The following SNTG1 variants were observed in gnomAD, a reference collection of about 807,000 sequenced individuals.
SNTG1 encodes the protein syntrophin gamma 1, also known as gamma-1-syntrophin.
Under a neutral mutation model 74.7 loss-of-function variants are expected in SNTG1, and 39 were observed. The observed-to-expected ratio is 0.52, with a 90% confidence interval of 0.40 to 0.68. The LOEUF is 0.68. SNTG1 is among the 30% of genes least tolerant of loss of function. The pLI is 0.00. For missense variants in SNTG1, 685 were observed against 609.5 expected (o/e 1.12, Z -1.30); for synonymous variants, 254 against 217.1 (o/e 1.17, Z -1.49).
chr8:50,525,919 G>T (rs2094216090), intron 9 of SNTG1, among the ~76,000 whole-genome samples: 1 of 148,900 alleles, frequency 6.7e-6, no homozygotes, highest in Admixed American at 6.7e-5. Flanking sequence ...TTTTTTTCTG[G>T]GATTTGTGAA....
intron 1 of SNTG1, among the ~76,000 whole-genome samples, chr8:50,101,707 C>G (rs1041238213): frequency 3.3e-5 from 5 of 151,944 alleles, no homozygotes; most frequent in African/African-American, 7.3e-5. Flanking sequence ...ATCCCTCCCC[C>G]CTCCTCCCAC....
intron 2 of SNTG1, among the ~76,000 whole-genome samples, chr8:50,251,712 G>A (rs1380953758): frequency 1.3e-5 from 2 of 151,914 alleles, no homozygotes; most frequent in Non-Finnish European, 2.9e-5. Flanking sequence ...AACAGGTCTA[G>A]CAAGTATTAC....
intron 2 of SNTG1, among the ~76,000 whole-genome samples, chr8:50,180,017 A>G (rs1470946937): frequency 6.6e-6 from 1 of 152,234 alleles, no homozygotes; most frequent in Admixed American, 6.5e-5. Flanking sequence ...TAGCCAAGAT[A>G]TTAAAACAAC....
chr8:50,702,141 T>A (rs2095428421), intron 15 of SNTG1, among the ~76,000 whole-genome samples: 1 of 151,964 alleles, frequency 6.6e-6, no homozygotes, highest in African/African-American at 2.4e-5. Context: ...CATGAGCCAC[T>A]GCGCCCAGCC....
intron 1 of SNTG1, among the ~76,000 whole-genome samples, chr8:50,032,652 T>G (rs1451683063): frequency 6.6e-6 from 1 of 152,180 alleles, no homozygotes; most frequent in Non-Finnish European, 1.5e-5. Flanking sequence ...CTTTCCAGTT[T>G]GCTGTGTCTT....
At chr8:50,750,145 AC>A (rs1370069277) in intron 17 of SNTG1, among the ~76,000 whole-genome samples, 4 of 151,986 alleles carry the variant, frequency 2.6e-5, no homozygotes, top group Non-Finnish European at 4.4e-5. Flanking sequence ...TCAATTCTAA[AC>A]CCTCTTCGGA....
At position 50,162,306 on chromosome 8, in the gene SNTG1, T is replaced by C. The variant is rs566829169; in HGVS notation, c.-102-10255T>C. ...GGCCGTGCGCGGTGGCTCATGCCTG[T>C]AATCCCAGCACTTTGGGAGGTCGAG... On this transcript the variant is annotated intron_variant, in intron 1 of 18. Coordinates refer to ENST00000642720, the MANE Select transcript of SNTG1 (RefSeq NM_018967.5). Among the ~76,000 whole-genome samples, 10 of 152,174 alleles carry C rather than the reference T, an allele frequency of 6.6e-5. No individual in the cohort carries two copies. In the South Asian group the frequency reaches 1.7e-3, roughly 25 times the overall value.
chr8:50,621,330 C>A (rs35460910), intron 13 of SNTG1, among the ~76,000 whole-genome samples: 1 of 152,020 alleles, frequency 6.6e-6, no homozygotes, highest in African/African-American at 2.4e-5. Flanking sequence ...CCCCAAGATA[C>A]GGCCTTACAA....
In SNTG1 at chr8:50,187,114, C is replaced by T. The variant is rs1173966450; in HGVS notation, c.-28+14479C>T. On this transcript the variant is annotated intron_variant, in intron 2 of 18. Transcript: ENST00000642720. Reference sequence around the variant, plus strand: ...CCCAAAGTAATTTATAGGTTCAATGCTATTTCCGTCAAACTGCCACTGACT... The same window carrying T: ...CCCAAAGTAATTTATAGGTTCAATGTTATTTCCGTCAAACTGCCACTGACT... 2.6e-5 allele frequency among the ~76,000 whole-genome samples: 4 copies of T among 152,096 alleles called. No individual in the cohort carries two copies. The South Asian group carries it at 6.2e-4, about 24-fold the overall frequency.
At chr8:50,232,925 A>C (rs1293033748) in intron 2 of SNTG1, among the ~76,000 whole-genome samples, 1 of 151,534 alleles carries the variant, frequency 6.6e-6, no homozygotes, top group Non-Finnish European at 1.5e-5. Context: ...AATAAATAAA[A>C]ATGTAAATAA....
At chr8:50,705,138 C>T (rs1388695703) in intron 16 of SNTG1, among the ~76,000 whole-genome samples, 1 of 152,142 alleles carries the variant, frequency 6.6e-6, no homozygotes, top group African/African-American at 2.4e-5. Context: ...AATGCTCTTT[C>T]CCTTTGCCTC....
intron 18 of SNTG1, among the ~76,000 whole-genome samples, chr8:50,755,337 A>G (rs761877123): frequency 1.3e-5 from 2 of 151,074 alleles, no homozygotes; most frequent in African/African-American, 2.4e-5. Context: ...TCAAAATGTC[A>G]TATAGTTGGA....
intron 12 of SNTG1, among the ~76,000 whole-genome samples, chr8:50,573,454 G>C (rs2130776358): frequency 6.6e-6 from 1 of 151,888 alleles, no homozygotes; most frequent in South Asian, 2.1e-4. Context: ...CACTTTAAGA[G>C]GTTACCATTA....
intron 2 of SNTG1, among the ~76,000 whole-genome samples, chr8:50,345,693 C>A (rs575678428): frequency 6.6e-6 from 1 of 152,074 alleles, no homozygotes; most frequent in East Asian, 1.9e-4. Context: ...TGACTATAGA[C>A]GTTTATCAAT....
chr8:50,703,613 A>C (rs1415560773), intron 15 of SNTG1, among the ~76,000 whole-genome samples: 1 of 152,188 alleles, frequency 6.6e-6, no homozygotes, highest in Non-Finnish European at 1.5e-5. Flanking sequence ...ACTATAATAC[A>C]GTAAATACAT....
chr8:50,475,222 T>TATAATA lies in SNTG1; in HGVS notation c.363+24513_363+24518dup, dbSNP rs144285770. Reference sequence around the variant, plus strand: ...TGCATATGTACCCTAAAACTTAAAGTATAATAATAATAATAATAATAATAA... The same window carrying TATAATA: ...TGCATATGTACCCTAAAACTTAAAGTATAATAATAATAATAATAATAATAATAATAA... On this transcript the variant is annotated intron_variant, in intron 8 of 18. Coordinates refer to ENST00000642720, the MANE Select transcript of SNTG1 (RefSeq NM_018967.5). Among the ~76,000 whole-genome samples the TATAATA allele has an allele frequency of 2.4e-3, 362 of 149,266 alleles. 2 individuals are homozygous for TATAATA. Among genetic ancestry groups the TATAATA allele is most frequent in the Middle Eastern group, 7.1e-3 (2 of 282 alleles).
At chr8:50,711,442 G>A (rs1308646966) in intron 17 of SNTG1, among the ~76,000 whole-genome samples, 1 of 152,134 alleles carries the variant, frequency 6.6e-6, no homozygotes, top group Non-Finnish European at 1.5e-5. Context: ...TTGAAATAAA[G>A]AAGAGATTCC....
At position 50,200,188 on chromosome 8, in the gene SNTG1, A is replaced by G. The variant is rs2083932521; in HGVS notation, c.-28+27553A>G. Among the ~76,000 whole-genome samples, 9 of 152,178 alleles carry G rather than the reference A, an allele frequency of 5.9e-5. 1 individual carries two copies. Among genetic ancestry groups the G allele is most frequent in the Admixed American group, 6.5e-5 (1 of 15,276 alleles). On this transcript the variant is annotated intron_variant, in intron 2 of 18. Coordinates refer to ENST00000642720, the MANE Select transcript of SNTG1 (RefSeq NM_018967.5). ...GAGTCCTCAAACAACTCTGTGAATTAATTCCCGTTAGTATCTCCACTTTAC... is the reference window on the plus strand; with the variant it reads ...GAGTCCTCAAACAACTCTGTGAATTGATTCCCGTTAGTATCTCCACTTTAC...
At chr8:50,674,533 T>C (rs1003973115) in intron 15 of SNTG1, among the ~76,000 whole-genome samples, 1 of 152,110 alleles carries the variant, frequency 6.6e-6, no homozygotes, top group African/African-American at 2.4e-5. Flanking sequence ...CCTTTAACCT[T>C]TTTTTGTTGT....
Sources: allele counts gnomAD v4.1 joint callset (sites outside exome capture counted in the v4.1 genomes callset), GRCh38; gene constraint gnomAD v4.1.1; transcripts MANE v1.5; gene names NCBI Gene and HGNC (gene_info 2026-07-23, HGNC 2026-07-21).